The following AGMO variants were observed in gnomAD, a reference collection of about 807,000 sequenced individuals.
AGMO encodes glyceryl-ether monooxygenase.
In AGMO, 75 loss-of-function variants were observed where a neutral mutation model predicts 60.2. That is an observed-to-expected ratio of 1.25 (90% confidence interval 1.03 to 1.51). The LOEUF (loss-of-function observed/expected upper bound fraction) is 1.51. AGMO is among the 40% of genes most tolerant of loss of function. The pLI, the probability that AGMO is intolerant of heterozygous loss-of-function variation, is 0.00. For synonymous variants in AGMO, 261 were observed against 177.1 expected (o/e 1.47, Z -3.76); for missense variants, 763 against 525.5 (o/e 1.45, Z -4.42).
chr7:15,303,894 G>C (rs1022827693), intron 12 of AGMO, among the ~76,000 whole-genome samples: 5 of 152,102 alleles, frequency 3.3e-5, no homozygotes, highest in African/African-American at 1.2e-4. Flanking sequence ...TTCTTTCTCT[G>C]ATAATCTCTT....
chr7:15,374,523 T>C (rs959727089), intron 10 of AGMO, among the ~76,000 whole-genome samples: 3 of 152,128 alleles, frequency 2.0e-5, no homozygotes, highest in Admixed American at 6.6e-5. Flanking sequence ...TTTGACACTA[T>C]GGTTCTACTC....
At chr7:15,205,724 T>C (rs1243871832) in intron 12 of AGMO, among the ~76,000 whole-genome samples, 1 of 152,142 alleles carries the variant, frequency 6.6e-6, no homozygotes, top group East Asian at 1.9e-4. Flanking sequence ...AATTATATGT[T>C]TTCAGCCAAA....
intron 12 of AGMO, among the ~76,000 whole-genome samples, chr7:15,230,341 A>G (rs1563045390): frequency 6.7e-6 from 1 of 149,906 alleles, no homozygotes; most frequent in Non-Finnish European, 1.5e-5. Flanking sequence ...AATTTAAGGT[A>G]AAAAAAAAAT....
chr7:15,164,251 G>T, the AGMO span, among the ~76,000 whole-genome samples: 1 of 151,930 alleles, frequency 6.6e-6, no homozygotes, highest in South Asian at 2.1e-4. Context: ...ACTCAGATGG[G>T]GTGGAGACTT....
intron 3 of AGMO, among the ~76,000 whole-genome samples, chr7:15,443,230 G>A (rs753288653): frequency 2.2e-4 from 34 of 152,236 alleles, no homozygotes; most frequent in African/African-American, 5.5e-4. Flanking sequence ...ACTTACAGAC[G>A]GCAAAACTAA....
chr7:15,339,954 A>C (rs1408051344), intron 12 of AGMO, among the ~76,000 whole-genome samples: 1 of 152,212 alleles, frequency 6.6e-6, no homozygotes, highest in African/African-American at 2.4e-5. Context: ...AAGTTATTGG[A>C]TATCAACAAG....
intron 2 of AGMO, among the ~76,000 whole-genome samples, chr7:15,547,314 C>T (rs1007323922): frequency 3.9e-5 from 6 of 152,142 alleles, no homozygotes; most frequent in Non-Finnish European, 8.8e-5. Context: ...AAACAGGGAG[C>T]CAAGATGGCC....
chr7:15,191,057 T>A, the AGMO span, among the ~76,000 whole-genome samples: 5 of 152,192 alleles, frequency 3.3e-5, no homozygotes, highest in Admixed American at 2.0e-4. Flanking sequence ...TTACTTACTA[T>A]ATGTGTGCTG....
chr7:15,385,600 G>C (rs1783878809), intron 9 of AGMO, 38 bp from the exon 10 acceptor site: 1 of 1,175,594 alleles, frequency 8.5e-7, no homozygotes, highest in Non-Finnish European at 1.3e-6. Context: ...TATTGCTCCA[G>C]ACTCATTTTT....
At chr7:15,454,040 A>G (rs1031028879) in intron 3 of AGMO, among the ~76,000 whole-genome samples, 4 of 149,122 alleles carry the variant, frequency 2.7e-5, no homozygotes, top group African/African-American at 9.8e-5. Context: ...TTTTATATAT[A>G]TATACCACTA....
chr7:15,360,358 CT>C (rs1485137051), intron 12 of AGMO, among the ~76,000 whole-genome samples: 5 of 152,188 alleles, frequency 3.3e-5, no homozygotes, highest in African/African-American at 1.2e-4. Context: ...TTGCCTATAA[CT>C]TTCACCTCCC....
the AGMO span, among the ~76,000 whole-genome samples, chr7:15,171,150 T>A: frequency 6.6e-6 from 1 of 151,654 alleles, no homozygotes; most frequent in African/African-American, 2.4e-5. Flanking sequence ...CCTGGCTAAT[T>A]TTTTGTATTT....
At chr7:15,193,109 T>C in the AGMO span, among the ~76,000 whole-genome samples, 1 of 152,194 alleles carries the variant, frequency 6.6e-6, no homozygotes, top group South Asian at 2.1e-4. Flanking sequence ...CAAAGTTTCA[T>C]CTTATGGTTA....
the AGMO span, among the ~76,000 whole-genome samples, chr7:15,170,608 GATAGT>G: frequency 8.3e-4 from 127 of 152,104 alleles, no homozygotes; most frequent in South Asian, 2.9e-3. Context: ...AATTTGTAAA[GATAGT>G]ATAGAGTATT....
chr7:15,265,468 T>A (rs925704603), intron 12 of AGMO, among the ~76,000 whole-genome samples: 6 of 151,870 alleles, frequency 4.0e-5, no homozygotes, highest in African/African-American at 1.5e-4. Context: ...AAGAACAGAA[T>A]AGACCAAAGA....
At chr7:15,385,334 C>A in intron 10 of AGMO, 112 bp downstream of exon 10, 1 of 683,498 alleles carries the variant, frequency 1.5e-6, no homozygotes. Context: ...GCCAAAATTA[C>A]AGCAGACCAC....
chr7:15,362,738 C>A (rs1782813949), intron 12 of AGMO, among the ~76,000 whole-genome samples: 1 of 152,104 alleles, frequency 6.6e-6, no homozygotes. Flanking sequence ...CAAAGATAAT[C>A]CAGAGGTAAA....
At chr7:15,413,908 AAAG>A (rs1427356880) in intron 5 of AGMO, among the ~76,000 whole-genome samples, 2 of 152,236 alleles carry the variant, frequency 1.3e-5, no homozygotes, top group East Asian at 1.9e-4. Context: ...CTGGGCAAAT[AAAG>A]AAGATTAACT....
intron 12 of AGMO, among the ~76,000 whole-genome samples, chr7:15,232,468 A>C (rs1782287894): frequency 6.6e-6 from 1 of 152,206 alleles, no homozygotes; most frequent in Non-Finnish European, 1.5e-5. Flanking sequence ...TCAATATATC[A>C]GAATACATGC....
Sources: allele counts gnomAD v4.1 joint callset (sites outside exome capture counted in the v4.1 genomes callset), GRCh38; gene constraint gnomAD v4.1.1; transcripts MANE v1.5; gene names NCBI Gene and HGNC (gene_info 2026-07-23, HGNC 2026-07-21).